ABLIM1: variants seen among roughly 807,000 people sequenced by gnomAD.
The protein encoded by ABLIM1 is actin-binding LIM protein 1.
ABLIM1 carries 40 observed loss-of-function variants against 107.0 expected under a neutral mutation model. The observed-to-expected ratio is 0.37, with a 90% CI of 0.29 to 0.49. ABLIM1 has a LOEUF of 0.49. ABLIM1 is among the 20% of genes least tolerant of loss of function. The pLI is 0.97. For synonymous variants in ABLIM1, 357 were observed against 357.3 expected (o/e 1.00, Z 0.01); for missense variants, 857 against 1,008.5 (o/e 0.85, Z 2.04).
intron 2 of ABLIM1, among the ~76,000 whole-genome samples, chr10:114,594,501 G>A (rs984054923): frequency 2.0e-5 from 3 of 152,206 alleles, no homozygotes; most frequent in Non-Finnish European, 2.9e-5. Flanking sequence ...TGTAATCCCA[G>A]CCCTTTGGGA....
chr10:114,468,381 T>G, intron 10 of ABLIM1, 165 bp from the exon 11 acceptor site: 1 of 596,664 alleles, frequency 1.7e-6, no homozygotes, highest in South Asian at 1.8e-5. Flanking sequence ...TTCAAGCGAT[T>G]CTCCTGCCTC....
chr10:114,759,183 T>C (rs2082692309), intron 1 of ABLIM1, among the ~76,000 whole-genome samples: 2 of 152,192 alleles, frequency 1.3e-5, no homozygotes, highest in Admixed American at 1.3e-4. Flanking sequence ...CATCCAAAAC[T>C]AATTTTTTAA....
chr10:114,617,876 G>A (rs534911736), intron 1 of ABLIM1, among the ~76,000 whole-genome samples: 1 of 152,164 alleles, frequency 6.6e-6, no homozygotes, highest in Non-Finnish European at 1.5e-5. Context: ...GCTTTTGGGA[G>A]TACAAGGCAG....
chr10:114,473,456 GA>G (rs2066970626), intron 9 of ABLIM1, among the ~76,000 whole-genome samples: 1 of 152,150 alleles, frequency 6.6e-6, no homozygotes, highest in African/African-American at 2.4e-5. Flanking sequence ...AATCCTCTCA[GA>G]TGGCTAAAAA....
intron 10 of ABLIM1, among the ~76,000 whole-genome samples, chr10:114,471,812 G>A (rs1011927989): frequency 6.6e-5 from 10 of 152,016 alleles, no homozygotes; most frequent in African/African-American, 2.4e-4. Flanking sequence ...TTTATATTCT[G>A]TTTTAACCTT....
At chr10:114,540,466 C>T (rs1186113947) in intron 6 of ABLIM1, among the ~76,000 whole-genome samples, 1 of 152,160 alleles carries the variant, frequency 6.6e-6, no homozygotes, top group Non-Finnish European at 1.5e-5. Context: ...CCCGTCTCCC[C>T]ACCCGTTCAA....
intron 1 of ABLIM1, among the ~76,000 whole-genome samples, chr10:114,622,307 C>G (rs2077520318): frequency 6.8e-6 from 1 of 147,050 alleles, no homozygotes; most frequent in Non-Finnish European, 1.5e-5. Context: ...AGTGCAATGG[C>G]ACGTTCATGG....
chr10:114,440,058 C>G lies in ABLIM1; in HGVS notation c.2067+24G>C, dbSNP rs767930408. On this transcript the variant is annotated intron_variant, in intron 20 of 22. Transcript: ENST00000533213. Reference sequence around the variant, plus strand: ...GGCTGTTCTATCGGTGTGGCCAATTCAAGAAAGACAAAGTGTTCCATACCT... The same window carrying G: ...GGCTGTTCTATCGGTGTGGCCAATTGAAGAAAGACAAAGTGTTCCATACCT... 7 of 1,613,686 alleles carry G rather than the reference C, an allele frequency of 4.3e-6. No homozygotes were observed. The South Asian group carries it at 7.7e-5, about 18-fold the overall frequency.
chr10:114,700,065 C>T (rs761184705), intron 1 of ABLIM1, among the ~76,000 whole-genome samples: 10 of 152,142 alleles, frequency 6.6e-5, no homozygotes, highest in Non-Finnish European at 1.2e-4. Context: ...TCCCAAGTTG[C>T]TGGGATTATA....
intron 4 of ABLIM1, among the ~76,000 whole-genome samples, chr10:114,562,988 C>G (rs1002528578): frequency 2.0e-5 from 3 of 152,164 alleles, no homozygotes; most frequent in Admixed American, 6.5e-5. Context: ...ACAGCTTTAC[C>G]AGGACACACG....
At chr10:114,532,337 G>A (rs1433995763) in intron 6 of ABLIM1, among the ~76,000 whole-genome samples, 1 of 152,154 alleles carries the variant, frequency 6.6e-6, no homozygotes, top group Non-Finnish European at 1.5e-5. Context: ...CATTTCCGCT[G>A]GGCTGGATGG....
intron 1 of ABLIM1, among the ~76,000 whole-genome samples, chr10:114,750,750 C>A (rs1161282542): frequency 1.3e-5 from 2 of 152,080 alleles, no homozygotes; most frequent in Non-Finnish European, 2.9e-5. Flanking sequence ...GCATTAAAGT[C>A]TTATTTTATA....
chr10:114,622,137 C>T (rs1212401004), intron 1 of ABLIM1, among the ~76,000 whole-genome samples: 2 of 152,168 alleles, frequency 1.3e-5, no homozygotes, highest in South Asian at 2.1e-4. Context: ...CACCCATAGC[C>T]CCTATCATTT....
chr10:114,723,894 A>ATAT (rs777885062), intron 1 of ABLIM1, among the ~76,000 whole-genome samples: 13 of 152,320 alleles, frequency 8.5e-5, no homozygotes, highest in Non-Finnish European at 1.8e-4. Context: ...CTCCATTTAC[A>ATAT]TATTCATTTC....
At chr10:114,733,703 C>T (rs536954815) in intron 1 of ABLIM1, among the ~76,000 whole-genome samples, 3 of 152,136 alleles carry the variant, frequency 2.0e-5, no homozygotes, top group Non-Finnish European at 4.4e-5. Context: ...CCCAATAAGT[C>T]GCAGACCAGG....
intron 1 of ABLIM1, among the ~76,000 whole-genome samples, chr10:114,723,508 A>G (rs2081893930): frequency 6.6e-6 from 1 of 152,242 alleles, no homozygotes; most frequent in Admixed American, 6.5e-5. Flanking sequence ...CCAGCATAAA[A>G]GGGCTGAGGG....
At chr10:114,718,469 T>C (rs963755446) in intron 1 of ABLIM1, among the ~76,000 whole-genome samples, 1 of 152,178 alleles carries the variant, frequency 6.6e-6, no homozygotes, top group South Asian at 2.1e-4. Flanking sequence ...ATTTTCCTTC[T>C]CCAAAAACTA....
chr10:114,770,725 C>T (rs1338117795), upstream of ABLIM1, among the ~76,000 whole-genome samples: 1 of 152,174 alleles, frequency 6.6e-6, no homozygotes, highest in Non-Finnish European at 1.5e-5. Context: ...AGGGACTTGG[C>T]CAGTCTTGTC....
At chr10:114,679,888 T>C (rs934939485) in intron 1 of ABLIM1, among the ~76,000 whole-genome samples, 2 of 152,174 alleles carry the variant, frequency 1.3e-5, no homozygotes, top group East Asian at 3.9e-4. Context: ...ATTACTTTGA[T>C]GAAAATAAAA....
Sources: gnomAD v4.1 joint callset for allele counts (sites outside exome capture counted in the v4.1 genomes callset) on GRCh38, gnomAD v4.1.1 for gene constraint, MANE v1.5 for transcripts, NCBI Gene and HGNC (gene_info 2026-07-23, HGNC 2026-07-21) for gene names.